TNFSF8: variants seen among roughly 807,000 people sequenced by gnomAD.
TNFSF8 encodes tumor necrosis factor ligand superfamily member 8.
Under a neutral mutation model 22.0 loss-of-function variants are expected in TNFSF8, and 4 were observed. That is an observed-to-expected ratio of 0.18 (90% confidence interval 0.09 to 0.42). The LOEUF (loss-of-function observed/expected upper bound fraction) is 0.42, where lower values mean the gene tolerates loss of function less well. Ranked by LOEUF, TNFSF8 falls within the 10% of genes least tolerant of loss-of-function variation. TNFSF8 has a pLI of 1.00. For synonymous variants in TNFSF8, 106 were observed against 112.5 expected, an observed-to-expected ratio of 0.94 and a Z score of 0.37; for missense variants, 233 against 281.8, an observed-to-expected ratio of 0.83 and a Z score of 1.24.
chr9:114,930,492 G>T lies in TNFSF8; in HGVS notation c.-189C>A, dbSNP rs1036751172. On this transcript the variant is annotated 5_prime_UTR_variant, in exon 1 of 4. Coordinates refer to ENST00000223795, the MANE Select transcript of TNFSF8 (RefSeq NM_001244.4). The stretch of plus-strand genomic sequence containing the variant: ...TGAGGCGAGAGGCGGCAGCAAGGGT[G>T]GGGGAGAGGTTCATTTTTCATTGCC... 14 of 461,462 alleles carry T rather than the reference G, an allele frequency of 3.0e-5. No individual in the cohort carries two copies. Among genetic ancestry groups the T allele is most frequent in the African/African-American group, 1.4e-4 (7 of 49,186 alleles). 28.6% of individuals were successfully genotyped at this position (461,462 alleles called of 1,614,324 possible).
chr9:114,924,452 A>T (rs10982453), intron 1 of TNFSF8, among the ~76,000 whole-genome samples: 55,313 of 152,002 alleles, frequency 0.36, 10,535 homozygotes, highest in Admixed American at 0.45. Flanking sequence ...CTCTCTTGGC[A>T]ATGATAATGG....
chr9:114,929,836 T>C (rs988089777), intron 1 of TNFSF8, among the ~76,000 whole-genome samples: 10 of 148,758 alleles, frequency 6.7e-5, no homozygotes, highest in African/African-American at 2.5e-4. Context: ...GCCAAATTAT[T>C]TTAGAGAGTT....
chr9:114,915,126 G>A (rs78518873), intron 2 of TNFSF8, among the ~76,000 whole-genome samples: 3,964 of 152,218 alleles, frequency 0.026, 261 homozygotes, highest in East Asian at 0.15. Flanking sequence ...CTGAAAGATG[G>A]TTCCCCTCTG....
In TNFSF8 at chr9:114,930,165, C is replaced by A. The variant is rs2131353186; in HGVS notation, c.139G>T (p.Ala47Ser). 2 of 1,602,114 alleles carry A rather than the reference C, an allele frequency of 1.2e-6. No homozygotes were observed. The highest frequency in any genetic ancestry group is 1.7e-6 in the Non-Finnish European group (2 of 1,174,226). ...GCCACCGTGAAGACAAGGCACAGAG[C>A]CAGAGTGGCTGTGGTCAAATAGAAA... ...SYFYLTTATL[A>S]LCLVFTVATI... Residue 47 changes from alanine to serine, a missense_variant, in exon 1 of 4, where the codon GCT (alanine) becomes TCT (serine). Transcript: ENST00000223795.
rs989657997 is a variant in TNFSF8 at position 114,901,501 on chromosome 9, C to T, written c.*2430G>A. 13 of 985,186 alleles carry T rather than the reference C, an allele frequency of 1.3e-5. No individual in the cohort carries two copies. In the Admixed American group the frequency reaches 2.5e-4, roughly 19 times the overall value. The allele number at this position is 985,186 out of a possible 1,614,324, so 61.0% of individuals were successfully genotyped here. On this transcript the variant is annotated 3_prime_UTR_variant, in exon 4 of 4. Coordinates refer to ENST00000223795, the MANE Select transcript of TNFSF8 (RefSeq NM_001244.4). The stretch of plus-strand genomic sequence containing the variant: ...TGAAAAATGAAAATGGAATCTTTCT[C>T]GAGTTAGAATGTGAGATGGCAAAAA...
intron 1 of TNFSF8, among the ~76,000 whole-genome samples, 168 bp from the exon 2 acceptor site, chr9:114,918,306 A>T (rs1827945098): frequency 6.6e-6 from 1 of 151,992 alleles, no homozygotes; most frequent in Admixed American, 6.6e-5. Context: ...TGGGCTTTCT[A>T]TCCATTTGTT....
chr9:114,921,493 C>A (rs565580700), intron 1 of TNFSF8, among the ~76,000 whole-genome samples: 1 of 152,300 alleles, frequency 6.6e-6, no homozygotes, highest in South Asian at 2.1e-4. Flanking sequence ...GAGCTCATTC[C>A]TCCCTCCTCC....
intron 2 of TNFSF8, among the ~76,000 whole-genome samples, chr9:114,907,194 G>C (rs1827795562): frequency 6.6e-6 from 1 of 152,172 alleles, no homozygotes. Context: ...CTCACTGCGA[G>C]AGGCACTCCG....
chr9:114,912,226 T>C (rs1364933440), intron 2 of TNFSF8, among the ~76,000 whole-genome samples: 2 of 152,150 alleles, frequency 1.3e-5, no homozygotes, highest in Admixed American at 6.5e-5. Flanking sequence ...AATGAGATAA[T>C]GCATAAAAAT....
chr9:114,911,079 C>T lies in TNFSF8; in HGVS notation c.239-5180G>A, dbSNP rs201356293. On this transcript the variant is annotated intron_variant, in intron 2 of 3. Transcript: ENST00000223795. ...AGTAAAGTAGATTCTTTCTGCCTTA[C>T]TCCTCTTTTCTTTGTTGTTATAGTG... 2.0e-5 allele frequency among the ~76,000 whole-genome samples: 3 copies of T among 152,198 alleles called. No individual in the cohort carries two copies. The East Asian group carries it at 5.8e-4, about 29-fold the overall frequency.
At chr9:114,906,971 C>T (rs368063969) in intron 2 of TNFSF8, among the ~76,000 whole-genome samples, 14 of 152,160 alleles carry the variant, frequency 9.2e-5, no homozygotes, top group African/African-American at 2.4e-4. Flanking sequence ...ATCCATCAGA[C>T]GGTAGGCAGC....
downstream of TNFSF8, chr9:114,901,068 G>A (rs994665629): frequency 1.3e-5 from 13 of 985,062 alleles, no homozygotes; most frequent in African/African-American, 3.5e-5. Context: ...GGGGAGGTGG[G>A]GTTCAGAGGG....
intron 2 of TNFSF8, 32 bp downstream of exon 2, chr9:114,918,064 C>T: frequency 6.3e-7 from 1 of 1,579,528 alleles, no homozygotes. Flanking sequence ...AGATGACTTA[C>T]TACACATTTA....
At chr9:114,923,522 C>CTTTCTTTTT (rs758823996) in intron 1 of TNFSF8, among the ~76,000 whole-genome samples, 1 of 89,770 alleles carries the variant, frequency 1.1e-5, no homozygotes, top group African/African-American at 4.7e-5. Flanking sequence ...TTCTTTCTTT[C>CTTTCTTTTT]TTTTTTTTTT....
chr9:114,909,698 G>T (rs1189314117), intron 2 of TNFSF8, among the ~76,000 whole-genome samples: 1 of 152,146 alleles, frequency 6.6e-6, no homozygotes, highest in Non-Finnish European at 1.5e-5. Context: ...ATGGGGAGTC[G>T]GTCCCAGCTG....
At position 114,905,885 on chromosome 9, in the gene TNFSF8, C is replaced by T; in HGVS notation, c.253G>A (p.Asp85Asn). The change falls in exon 3 of 4, where the codon GAC (aspartate) becomes AAC (asparagine). Residue 85 changes from aspartate to asparagine, a missense_variant. Physicochemically the swap from Asp to Asn is conservative, Grantham distance 23 (BLOSUM62 1). Coordinates refer to ENST00000223795, the MANE Select transcript of TNFSF8 (RefSeq NM_001244.4). ...GCCCTTTTCAGGATACATAAGAGGT[C>T]TTCTGAGCAATTTCCTAAAAATAAG... ...VPLKGGNCSE[D>N]LLCILKRAPF... 1 of 1,611,654 alleles carries T rather than the reference C, an allele frequency of 6.2e-7. No homozygotes were observed. The highest frequency in any genetic ancestry group is 8.5e-7 in the Non-Finnish European group (1 of 1,177,946).
At chr9:114,907,203 C>T (rs185145693) in intron 2 of TNFSF8, among the ~76,000 whole-genome samples, 8 of 152,210 alleles carry the variant, frequency 5.3e-5, no homozygotes, top group East Asian at 1.9e-4. Flanking sequence ...AGAGGCACTC[C>T]GGGCAGAAGC....
intron 2 of TNFSF8, among the ~76,000 whole-genome samples, chr9:114,910,047 A>G (rs927078493): frequency 1.3e-5 from 2 of 152,192 alleles, no homozygotes; most frequent in African/African-American, 4.8e-5. Context: ...TATCTTTCAG[A>G]CAACCCTAGC....
At chr9:114,919,055 C>T (rs921957708) in intron 1 of TNFSF8, among the ~76,000 whole-genome samples, 77 of 148,504 alleles carry the variant, frequency 5.2e-4, no homozygotes, top group African/African-American at 1.5e-3. Context: ...CATCTGTGAA[C>T]GTATGTTGTA....
Sources: gnomAD v4.1 joint callset for allele counts (sites outside exome capture counted in the v4.1 genomes callset) on GRCh38, gnomAD v4.1.1 for gene constraint, MANE v1.5 for transcripts, NCBI Gene and HGNC (gene_info 2026-07-23, HGNC 2026-07-21) for gene names.